RBM26: variants seen among roughly 807,000 people sequenced by gnomAD.
The protein encoded by RBM26 is RNA-binding protein 26.
Under a neutral mutation model 123.6 loss-of-function variants are expected in RBM26, and 30 were observed. The ratio of observed to expected loss-of-function variants is 0.24; its 90% CI spans 0.18 to 0.33. The LOEUF (loss-of-function observed/expected upper bound fraction) is 0.33. Among genes scored for constraint, RBM26 ranks in the 10% least tolerant of loss-of-function variants. The pLI, the probability that RBM26 is intolerant of heterozygous loss-of-function variation, is 1.00. For missense variants in RBM26, 947 were observed against 1,203.6 expected (o/e 0.79, Z 3.15); for synonymous variants, 400 against 404.4 (o/e 0.99, Z 0.13).
At chr13:79,341,939 C>A (rs1373665091) in intron 17 of RBM26, among the ~76,000 whole-genome samples, 1 of 151,686 alleles carries the variant, frequency 6.6e-6, no homozygotes, top group African/African-American at 2.4e-5. Flanking sequence ...TACACCGAGG[C>A]TGTAAAGAAC....
chr13:79,319,072 G>A lies in RBM26; in HGVS notation c.*1549C>T, dbSNP rs1593849928. The A allele has an allele frequency of 8.1e-6, 8 of 984,214 alleles. No homozygotes were observed. The highest frequency in any genetic ancestry group is 9.6e-6 in the Non-Finnish European group (8 of 829,136). The allele number at this position is 984,214 out of a possible 1,614,324, so 61.0% of individuals were successfully genotyped here. A position where few individuals can be genotyped will look rare whatever the true frequency, so the allele number is the denominator to read the frequency against. On this transcript the variant is annotated 3_prime_UTR_variant, in exon 22 of 22. Coordinates refer to ENST00000438737, the MANE Select transcript of RBM26 (RefSeq NM_001366735.2). Reference sequence around the variant, plus strand: ...ATATAAACGTAGACACGAATTGCAAGGCAAAGCATTTCTATGAAATAGTGT... The same window carrying A: ...ATATAAACGTAGACACGAATTGCAAAGCAAAGCATTTCTATGAAATAGTGT...
chr13:79,337,381 TA>T, intron 18 of RBM26, 79 bp from the exon 19 acceptor site: 1 of 1,489,136 alleles, frequency 6.7e-7, no homozygotes, highest in Non-Finnish European at 9.3e-7. Context: ...GGCAGATGAA[TA>T]AAACTTTAAT....
At chr13:79,389,371 C>T (rs752538356) in intron 1 of RBM26, among the ~76,000 whole-genome samples, 1 of 151,880 alleles carries the variant, frequency 6.6e-6, no homozygotes, top group Non-Finnish European at 1.5e-5. Flanking sequence ...AGCAAACATA[C>T]ACATAGAGGA....
intron 6 of RBM26, among the ~76,000 whole-genome samples, chr13:79,367,466 A>G (rs1163736502): frequency 6.7e-6 from 1 of 149,806 alleles, no homozygotes; most frequent in Non-Finnish European, 1.5e-5. Context: ...AAATGTGACA[A>G]ACGATGTTGG....
chr13:79,347,369 A>ACACCCT (rs2072511118), intron 14 of RBM26, among the ~76,000 whole-genome samples: 1 of 152,192 alleles, frequency 6.6e-6, no homozygotes, highest in East Asian at 1.9e-4. Context: ...AGGTGTTAAA[A>ACACCCT]TGTAAAAATG....
Position 79,406,236 on chromosome 13 carries a change from C to T in RBM26, c.-462G>A, listed in dbSNP as rs1387399070. ...CCAGCACCCCCAAGAAGATGGCTGC[C>T]GGTAAATCTCGCGAGAATTGATGAA... On this transcript the variant is annotated 5_prime_UTR_variant, in exon 1 of 22. Coordinates refer to ENST00000438737, the MANE Select transcript of RBM26 (RefSeq NM_001366735.2). 2.0e-5 allele frequency: 3 copies of T among 153,036 alleles called. No individual in the cohort carries two copies. The highest frequency in any genetic ancestry group is 4.8e-5 in the African/African-American group (2 of 41,500). 9.5% of individuals were successfully genotyped at this position (153,036 alleles called of 1,614,324 possible).
chr13:79,348,428 G>C (rs1265427225), intron 14 of RBM26, among the ~76,000 whole-genome samples: 2 of 152,010 alleles, frequency 1.3e-5, no homozygotes, highest in Non-Finnish European at 2.9e-5. Flanking sequence ...TAAAGAAAGA[G>C]AAAAACAGCT....
intron 1 of RBM26, among the ~76,000 whole-genome samples, chr13:79,387,563 A>T (rs1169103964): frequency 1.7e-4 from 6 of 34,790 alleles, no homozygotes; most frequent in East Asian, 4.0e-4. Flanking sequence ...TTACTCATTT[A>T]AAAAAAAAAA....
At chr13:79,404,829 C>T (rs1352175099) in intron 1 of RBM26, among the ~76,000 whole-genome samples, 1 of 152,148 alleles carries the variant, frequency 6.6e-6, no homozygotes, top group African/African-American at 2.4e-5. Flanking sequence ...CTATTAATAT[C>T]TGGATTTATT....
chr13:79,322,337 A>G lies in RBM26; in HGVS notation c.2934+12T>C, dbSNP rs2067777103. ...ATTAAGGGTAAAAATAAGTGGAAAA[A>G]AAATAACATACTTCTTCTTCATCAG... is the stretch of plus-strand genomic sequence containing the variant. On this transcript the variant is annotated intron_variant, in intron 21 of 21. Coordinates refer to ENST00000438737, the MANE Select transcript of RBM26 (RefSeq NM_001366735.2). The G allele has an allele frequency of 6.6e-7, 1 of 1,512,590 alleles. No homozygotes were observed. The highest frequency in any genetic ancestry group is 8.9e-7 in the Non-Finnish European group (1 of 1,122,184). The allele number at this position is 1,512,590 out of a possible 1,614,324, so 93.7% of individuals were successfully genotyped here.
intron 18 of RBM26, among the ~76,000 whole-genome samples, chr13:79,338,712 A>T (rs1402584911): frequency 6.6e-6 from 1 of 152,238 alleles, no homozygotes. Flanking sequence ...TTCTGGCTAG[A>T]GTTTTAAGAA....
At chr13:79,378,630 G>A (rs947710060) in intron 2 of RBM26, among the ~76,000 whole-genome samples, 159 bp downstream of exon 2, 2 of 152,070 alleles carry the variant, frequency 1.3e-5, no homozygotes, top group African/African-American at 2.4e-5. Context: ...TGTAGAGACA[G>A]GGTTTCACCA....
chr13:79,385,974 G>A (rs1053399234), intron 1 of RBM26, among the ~76,000 whole-genome samples: 2 of 151,826 alleles, frequency 1.3e-5, no homozygotes, highest in Non-Finnish European at 2.9e-5. Context: ...CCCAGCATCC[G>A]TACTGGCCTC....
At chr13:79,395,465 G>C (rs890100348) in intron 1 of RBM26, among the ~76,000 whole-genome samples, 2 of 152,102 alleles carry the variant, frequency 1.3e-5, no homozygotes. Context: ...CTTGAAAACA[G>C]GAAGAGGTTC....
At chr13:79,351,255 C>T (rs746495276) in intron 14 of RBM26, among the ~76,000 whole-genome samples, 4 of 152,112 alleles carry the variant, frequency 2.6e-5, no homozygotes, top group Non-Finnish European at 4.4e-5. Context: ...CTCAGTAGTA[C>T]ACTAAGTACA....
exon 5 of RBM26, chr13:79,312,001 A>G (rs2066910385): frequency 6.6e-6 from 1 of 152,104 alleles, no homozygotes; most frequent in African/African-American, 2.4e-5. Context: ...TTCAAGTTTT[A>G]TCTTTTTTCA....
At chr13:79,332,293 A>G (rs977513378) in intron 20 of RBM26, among the ~76,000 whole-genome samples, 2 of 152,200 alleles carry the variant, frequency 1.3e-5, no homozygotes, top group Non-Finnish European at 2.9e-5. Flanking sequence ...ATGGTGATAG[A>G]ACATGACAAT....
chr13:79,319,366 T>A lies in RBM26; in HGVS notation c.*1255A>T. 1 of 984,264 alleles carries A rather than the reference T, an allele frequency of 1.0e-6. No homozygotes were observed. The allele number at this position is 984,264 out of a possible 1,614,324, so 61.0% of individuals were successfully genotyped here. On this transcript the variant is annotated 3_prime_UTR_variant, in exon 22 of 22. Coordinates refer to ENST00000438737, the MANE Select transcript of RBM26 (RefSeq NM_001366735.2). ...TAAATATGTAATCTCCCACCCCCAT[T>A]CTACAAAGAATGCATTTATTTCCTG... is the stretch of plus-strand genomic sequence containing the variant.
rs987931078 is a variant in RBM26 at position 79,404,398 on chromosome 13, G to C, written c.71+1306C>G. 5.3e-5 allele frequency among the ~76,000 whole-genome samples: 8 copies of C among 152,298 alleles called. 1 individual carries two copies. The highest frequency in any genetic ancestry group is 8.8e-5 in the Non-Finnish European group (6 of 68,026). ...ACATCTCTGCCTACAACACACTTCT[G>C]AATAATCTTCTTACTTCCATTCTTG... On this transcript the variant is annotated intron_variant, in intron 1 of 21. Transcript: ENST00000438737.
Sources: gnomAD v4.1 joint callset for allele counts (sites outside exome capture counted in the v4.1 genomes callset) on GRCh38, gnomAD v4.1.1 for gene constraint, MANE v1.5 for transcripts, NCBI Gene and HGNC (gene_info 2026-07-23, HGNC 2026-07-21) for gene names.